The following ZC3H7A variants were observed in gnomAD, a reference collection of about 807,000 sequenced individuals.
The protein encoded by ZC3H7A is zinc finger CCCH-type containing 7A.
A neutral mutation model predicts 125.5 loss-of-function variants in ZC3H7A; 44 were observed. The observed-to-expected ratio is 0.35, with a 90% confidence interval of 0.28 to 0.45. The LOEUF (loss-of-function observed/expected upper bound fraction) is 0.45. ZC3H7A is among the 20% of genes least tolerant of loss of function. The probability of loss-of-function intolerance (pLI) is 1.00; values close to 1 mark genes in which losing one functional copy is unlikely to be tolerated. For missense variants in ZC3H7A, 977 were observed against 1,170.7 expected, an observed-to-expected ratio of 0.83 and a Z score of 2.41; for synonymous variants, 399 against 391.2, an observed-to-expected ratio of 1.02 and a Z score of -0.23.
intron 9 of ZC3H7A, among the ~76,000 whole-genome samples, chr16:11,771,770 G>C (rs942966344): frequency 6.6e-6 from 1 of 152,038 alleles, no homozygotes; most frequent in Non-Finnish European, 1.5e-5. Flanking sequence ...CAAAGTGCTG[G>C]GATTACAGGT....
intron 12 of ZC3H7A, among the ~76,000 whole-genome samples, chr16:11,768,073 A>G (rs144829022): frequency 1.3e-5 from 2 of 152,334 alleles, no homozygotes; most frequent in East Asian, 1.9e-4. Flanking sequence ...TTCCAAAAAT[A>G]GGTAAATATT....
At chr16:11,782,255 C>A (rs757467314) in intron 2 of ZC3H7A, 32 bp downstream of exon 2, 2 of 1,612,822 alleles carry the variant, frequency 1.2e-6, no homozygotes, top group African/African-American at 2.7e-5. Flanking sequence ...AATTAGGACG[C>A]GGCAAGAACA....
In ZC3H7A at chr16:11,751,155, T is replaced by C; in HGVS notation, c.*162A>G. 1.4e-6 allele frequency: 1 copy of C among 696,534 alleles called. No individual in the cohort carries two copies. Among genetic ancestry groups the C allele is most frequent in the South Asian group, 2.1e-5 (1 of 47,422 alleles). 43.1% of individuals were successfully genotyped at this position (696,534 alleles called of 1,614,324 possible). Reference sequence around the variant, plus strand: ...TTCCGTGAGAGCGTGGCCAGGCCTGTGAAACAGCCCATTTTCCTACCTACT... The same window carrying C: ...TTCCGTGAGAGCGTGGCCAGGCCTGCGAAACAGCCCATTTTCCTACCTACT... On this transcript the variant is annotated 3_prime_UTR_variant, in exon 23 of 23. Transcript: ENST00000355758.
chr16:11,753,831 G>C (rs1327861968), intron 21 of ZC3H7A: 1 of 152,110 alleles, frequency 6.6e-6, no homozygotes, highest in Non-Finnish European at 1.5e-5. Flanking sequence ...TGCATTTTTA[G>C]TGGAGAAGGG....
intron 4 of ZC3H7A, among the ~76,000 whole-genome samples, chr16:11,777,950 C>T (rs931504396): frequency 2.0e-5 from 3 of 147,926 alleles, no homozygotes; most frequent in African/African-American, 5.0e-5. Context: ...ACCCGGGAGA[C>T]GGAGGTTACG....
chr16:11,755,551 T>A (rs1370613989), intron 21 of ZC3H7A, among the ~76,000 whole-genome samples: 2 of 151,890 alleles, frequency 1.3e-5, no homozygotes, highest in African/African-American at 4.8e-5. Flanking sequence ...TCCAGCGGGG[T>A]AGACAGCCCA....
chr16:11,787,640 A>G (rs1042337795), intron 1 of ZC3H7A, among the ~76,000 whole-genome samples: 4 of 152,114 alleles, frequency 2.6e-5, no homozygotes, highest in Admixed American at 6.6e-5. Context: ...TTTTAATTTC[A>G]CAGGGATTAA....
intron 9 of ZC3H7A, among the ~76,000 whole-genome samples, chr16:11,772,359 C>A (rs374845352): frequency 2.6e-4 from 40 of 151,812 alleles, no homozygotes; most frequent in African/African-American, 8.0e-4. Flanking sequence ...ACAACTCTAA[C>A]TTCCCCAGGC....
At position 11,765,718 on chromosome 16, in the gene ZC3H7A, A is replaced by T; in HGVS notation, c.1523-33T>A. ...GACAGGGAATGGACAGACATTGAAA[A>T]CATGGCAATTGGCCTGTACTCCCAG... On this transcript the variant is annotated intron_variant, in intron 13 of 22. Coordinates refer to ENST00000355758, the MANE Select transcript of ZC3H7A (RefSeq NM_014153.4). The surrounding 1 kb of genome is among the most constrained non-coding windows in gnomAD (Gnocchi z 4.8). The T allele has an allele frequency of 6.3e-7, 1 of 1,593,806 alleles. No homozygotes were observed. The highest frequency in any genetic ancestry group is 8.6e-7 in the Non-Finnish European group (1 of 1,167,774).
intron 21 of ZC3H7A, 47 bp downstream of exon 21, chr16:11,756,190 C>T: frequency 6.3e-7 from 1 of 1,577,346 alleles, no homozygotes; most frequent in Non-Finnish European, 8.6e-7. Context: ...AAGAAAGGCT[C>T]CATCAATGGC....
chr16:11,767,090 A>G (rs911885635), intron 13 of ZC3H7A, among the ~76,000 whole-genome samples: 3 of 152,192 alleles, frequency 2.0e-5, no homozygotes, highest in Admixed American at 1.3e-4. Context: ...AGTCAACTAC[A>G]GACTGCATAT....
intron 22 of ZC3H7A, among the ~76,000 whole-genome samples, chr16:11,752,391 C>A (rs2052568084): frequency 6.6e-6 from 1 of 152,142 alleles, no homozygotes; most frequent in Non-Finnish European, 1.5e-5. Context: ...GTCATTTGGG[C>A]AAATTGGAAT....
intron 4 of ZC3H7A, among the ~76,000 whole-genome samples, chr16:11,777,613 C>T (rs945049811): frequency 1.3e-5 from 2 of 151,586 alleles, no homozygotes; most frequent in Non-Finnish European, 2.9e-5. Flanking sequence ...TCCCAGCACT[C>T]GGGAGGCTGA....
chr16:11,786,756 TCAAA>T (rs1236410529), intron 1 of ZC3H7A, among the ~76,000 whole-genome samples: 5 of 152,296 alleles, frequency 3.3e-5, no homozygotes, highest in African/African-American at 1.2e-4. Context: ...TTGAAAGTTC[TCAAA>T]CACACAGTAA....
rs1221087968 is a variant in ZC3H7A at position 11,756,361 on chromosome 16, A to T, written c.2438T>A (p.Met813Lys). ...TYMKENGIQDMEQFYELWLKS... is the reference protein window; with the variant it reads ...TYMKENGIQDKEQFYELWLKS... ...GAGCCATAGTTCGTAAAATTGCTCC[A>T]TATCTTGTACTAAAGAAAAATGAAT... Residue 813 changes from methionine (M) to lysine (K), a missense_variant, in exon 21 of 23, where the codon ATG (methionine) becomes AAG (lysine). Met to Lys is a moderately conservative substitution (Grantham distance 95). Around this residue, in one of 3 missense-constraint regions of ZC3H7A, gnomAD observed 436 missense variants for 603.2 expected, o/e 0.72. Coordinates refer to ENST00000355758, the MANE Select transcript of ZC3H7A (RefSeq NM_014153.4). 2 of 1,612,964 alleles carry T rather than the reference A, an allele frequency of 1.2e-6. No individual in the cohort carries two copies. The highest frequency in any genetic ancestry group is 2.7e-5 in the African/African-American group (2 of 74,830).
chr16:11,765,011 A>G lies in ZC3H7A; in HGVS notation c.1820+42T>C. 1 of 1,331,996 alleles carries G rather than the reference A, an allele frequency of 7.5e-7. No individual in the cohort carries two copies. Among genetic ancestry groups the G allele is most frequent in the South Asian group, 1.3e-5 (1 of 75,204 alleles). The allele number at this position is 1,331,996 out of a possible 1,614,324, so 82.5% of individuals were successfully genotyped here. A position where few individuals can be genotyped will look rare whatever the true frequency, so the allele number is the denominator to read the frequency against. On this transcript the variant is annotated intron_variant, in intron 15 of 22. Transcript: ENST00000355758. The surrounding 1 kb of genome is among the most constrained non-coding windows in gnomAD (Gnocchi z 4.8). ...AGTTTTTATTCAGATCTAGAAAAAG[A>G]ATCTATTTTGTCATTACAGAAATTA...
chr16:11,774,097 A>G, intron 9 of ZC3H7A, 139 bp downstream of exon 9: 1 of 830,930 alleles, frequency 1.2e-6, no homozygotes, highest in Non-Finnish European at 1.7e-6. Context: ...AGTAGAGAAG[A>G]AAAAAAGTAA....
intron 1 of ZC3H7A, 133 bp downstream of exon 1, chr16:11,796,991 G>GCCGCCCCTCCC (rs1380159453): frequency 5.4e-5 from 8 of 147,674 alleles, no homozygotes; most frequent in African/African-American, 1.2e-4. Context: ...CCCGGACCCC[G>GCCGCCCCTCCC]CCGCCCCTCC....
chr16:11,763,710 AATATATATATATATATAT>A lies in ZC3H7A; in HGVS notation c.1821-69_1821-52del, dbSNP rs55932357. ...ATATTGTTCTGCCATAGATTTTTCAAATATATATATATATATATATATATATATATATATATATATATA... is the reference window on the plus strand; with the variant it reads ...ATATTGTTCTGCCATAGATTTTTCAAATATATATATATATATATATATATA... On this transcript the variant is annotated intron_variant, in intron 15 of 22. Transcript: ENST00000355758. The A allele has an allele frequency of 2.3e-3, 538 of 228,966 alleles. 9 individuals carry two copies. Among genetic ancestry groups the A allele is most frequent in the African/African-American group, 9.6e-3 (283 of 29,572 alleles). The allele number at this position is 228,966 out of a possible 1,614,324, so 14.2% of individuals were successfully genotyped here.
Sources: allele counts gnomAD v4.1 joint callset (sites outside exome capture counted in the v4.1 genomes callset), GRCh38; gene constraint gnomAD v4.1.1; regional missense constraint gnomAD v4.1.1; non-coding constraint Gnocchi (gnomAD v3.1); transcripts MANE v1.5; gene names NCBI Gene and HGNC (gene_info 2026-07-23, HGNC 2026-07-21).